PREP: variants seen among roughly 807,000 people sequenced by gnomAD.
PREP encodes the protein prolyl endopeptidase, also known as dJ355L5.1 (prolyl endopeptidase).
PREP carries 29 observed loss-of-function variants against 87.6 expected under a neutral mutation model. The ratio of observed to expected loss-of-function variants is 0.33; its 90% CI spans 0.25 to 0.45. The LOEUF is 0.45. PREP is among the 20% of genes least tolerant of loss of function. The pLI, the probability that PREP is intolerant of heterozygous loss-of-function variation, is 1.00. For missense variants in PREP, 695 were observed against 886.5 expected, an observed-to-expected ratio of 0.78 and a Z score of 2.74; for synonymous variants, 337 against 328.6, an observed-to-expected ratio of 1.03 and a Z score of -0.28.
In PREP at chr6:105,323,715, G is replaced by A; in HGVS notation, c.1267C>T (p.Arg423Ter). The change falls in exon 10 of 15, where the codon CGA becomes TGA. Residue 423 changes from arginine to a stop codon, truncating the protein, a stop_gained. Coordinates refer to ENST00000652536, the MANE Select transcript of PREP (RefSeq NM_002726.5). LOFTEE classifies it high-confidence loss of function. The stretch of plus-strand genomic sequence containing the variant: ...TCAATTCCTTTTACGGTCACCTCTC[G>A]GAAAACTCTTGGCTCCAGCTCCTCT... ...TKEELEPRVFREVTVKGIDAS... is the reference protein window; with the variant it reads ...TKEELEPRVF 1 of 1,613,602 alleles carries A rather than the reference G, an allele frequency of 6.2e-7. No individual in the cohort carries two copies. Among genetic ancestry groups the A allele is most frequent in the Non-Finnish European group, 8.5e-7 (1 of 1,179,566 alleles).
At chr6:105,336,607 CT>C (rs1218013273) in intron 7 of PREP, among the ~76,000 whole-genome samples, 2 of 152,186 alleles carry the variant, frequency 1.3e-5, no homozygotes, top group African/African-American at 4.8e-5. Context: ...ATGCTTTCTG[CT>C]TTAAAGTCTA....
chr6:105,328,815 G>C lies in PREP; in HGVS notation c.1213+14C>G. The C allele has an allele frequency of 1.2e-6, 2 of 1,612,960 alleles. No homozygotes were observed. Among genetic ancestry groups the C allele is most frequent in the Non-Finnish European group, 1.7e-6 (2 of 1,179,054 alleles). On this transcript the variant is annotated intron_variant, in intron 9 of 14. Transcript: ENST00000652536. Reference sequence around the variant, plus strand: ...GATTTTTAAAGTGAACAGCAACAGTGAAAAAACACTTACCTGGAGATAAAA... The same window carrying C: ...GATTTTTAAAGTGAACAGCAACAGTCAAAAAACACTTACCTGGAGATAAAA...
At chr6:105,339,614 C>T (rs1771581513) in intron 7 of PREP, among the ~76,000 whole-genome samples, 1 of 152,134 alleles carries the variant, frequency 6.6e-6, no homozygotes, top group Non-Finnish European at 1.5e-5. Flanking sequence ...TATTCGAACC[C>T]ATTGCAAAGA....
chr6:105,317,707 C>T (rs550060358), intron 10 of PREP, among the ~76,000 whole-genome samples: 1 of 152,060 alleles, frequency 6.6e-6, no homozygotes, highest in Admixed American at 6.5e-5. Context: ...GTTGGTCACC[C>T]CAGGCAAGAT....
chr6:105,377,490 A>T lies in PREP; in HGVS notation c.150T>A (p.Thr50=). 1 of 1,613,926 alleles carries T rather than the reference A, an allele frequency of 6.2e-7. No homozygotes were observed. Among genetic ancestry groups the T allele is most frequent in the Non-Finnish European group, 8.5e-7 (1 of 1,179,864 alleles). Residue 50 remains threonine (T), a synonymous_variant, in exon 3 of 15, where the codon ACT becomes ACA. Coordinates refer to ENST00000652536, the MANE Select transcript of PREP (RefSeq NM_002726.5). ...KAFVEAQNKI[T]VPFLEQCPIR... ...TGGGACACTGCTCAAGAAATGGCAC[A>T]GTAATCTTATTCTGGGCCTCCACAA...
intron 7 of PREP, among the ~76,000 whole-genome samples, chr6:105,333,856 A>C (rs1771407974): frequency 6.6e-6 from 1 of 152,028 alleles, no homozygotes; most frequent in South Asian, 2.1e-4. Flanking sequence ...CTCCCTCCCA[A>C]GTCTTTGTGT....
chr6:105,394,213 C>T (rs57743638), intron 2 of PREP, among the ~76,000 whole-genome samples: 6,120 of 151,980 alleles, frequency 0.04, 428 homozygotes, highest in African/African-American at 0.14. Context: ...AATCAAAATC[C>T]AAAACTAAAA....
At chr6:105,334,570 T>G (rs769798888) in intron 7 of PREP, among the ~76,000 whole-genome samples, 3 of 152,038 alleles carry the variant, frequency 2.0e-5, no homozygotes, top group Non-Finnish European at 2.9e-5. Flanking sequence ...AATACAAAAA[T>G]TAGCTGGGCA....
chr6:105,327,468 G>C (rs576076771), intron 9 of PREP, among the ~76,000 whole-genome samples: 2 of 152,242 alleles, frequency 1.3e-5, no homozygotes, highest in South Asian at 4.1e-4. Flanking sequence ...AGGTTTTCAA[G>C]GTATACTATC....
In PREP at chr6:105,275,382, A is replaced by T. The variant is rs943690780; in HGVS notation, c.*2762T>A. Among the ~76,000 whole-genome samples, 1 of 152,242 alleles carries T rather than the reference A, an allele frequency of 6.6e-6. No individual in the cohort carries two copies. Among genetic ancestry groups the T allele is most frequent in the African/African-American group, 2.4e-5 (1 of 41,470 alleles). On this transcript the variant is annotated 3_prime_UTR_variant, in exon 15 of 15. Transcript: ENST00000652536. ...GAAACATGATTAATTGGAAAGTTTTATAATATTCCAGGTAAGTCCATAGTG... is the reference window on the plus strand; with the variant it reads ...GAAACATGATTAATTGGAAAGTTTTTTAATATTCCAGGTAAGTCCATAGTG...
Position 105,376,162 on chromosome 6 carries a change from G to A in PREP, c.348C>T (p.Pro116=), listed in dbSNP as rs374507847. 62 of 1,613,636 alleles carry A rather than the reference G, an allele frequency of 3.8e-5. No individual in the cohort carries two copies. The highest frequency in any genetic ancestry group is 5.3e-5 in the Non-Finnish European group (62 of 1,179,830). ...CTGTGCCATCGTCAGACAGTATGTTGGGGTCCAGGAACACTCTGGCCTCAC... is the reference window on the plus strand; with the variant it reads ...CTGTGCCATCGTCAGACAGTATGTTAGGGTCCAGGAACACTCTGGCCTCAC... ...LEGEARVFLD[P]NILSDDGTVA... The change falls in exon 4 of 15, where the codon CCC becomes CCT. Residue 116 remains proline, a synonymous_variant. Transcript: ENST00000652536.
chr6:105,317,730 G>A (rs980237953), intron 10 of PREP, among the ~76,000 whole-genome samples: 4 of 152,142 alleles, frequency 2.6e-5, no homozygotes, highest in African/African-American at 9.7e-5. Context: ...TGACTTAGCA[G>A]AGAATCAAAC....
chr6:105,377,347 T>G (rs1772710867), intron 3 of PREP, 39 bp downstream of exon 3: 2 of 1,566,826 alleles, frequency 1.3e-6, no homozygotes, highest in East Asian at 4.5e-5. Context: ...AAGCATTTAC[T>G]TTGAAAATAA....
At chr6:105,402,628 A>C (rs1422465522) in intron 1 of PREP, among the ~76,000 whole-genome samples, 1 of 151,936 alleles carries the variant, frequency 6.6e-6, no homozygotes, top group African/African-American at 2.4e-5. Context: ...CGCTGCCCAC[A>C]GGCTCCGCCG....
chr6:105,372,432 T>A (rs1772584894), intron 5 of PREP, among the ~76,000 whole-genome samples: 1 of 152,054 alleles, frequency 6.6e-6, no homozygotes. Flanking sequence ...AACAAGAAAA[T>A]GCTACATACC....
intron 7 of PREP, among the ~76,000 whole-genome samples, chr6:105,351,191 T>C (rs958415890): frequency 7.2e-5 from 11 of 152,208 alleles, no homozygotes; most frequent in African/African-American, 2.4e-4. Flanking sequence ...CCATAATCCA[T>C]TGACTTTAAT....
chr6:105,347,113 G>A (rs1457573818), intron 7 of PREP, among the ~76,000 whole-genome samples: 1 of 151,956 alleles, frequency 6.6e-6, no homozygotes, highest in East Asian at 1.9e-4. Context: ...CTATAAAGCA[G>A]GGAATAAAGT....
intron 7 of PREP, among the ~76,000 whole-genome samples, chr6:105,335,761 T>C (rs2114661961): frequency 6.6e-6 from 1 of 152,032 alleles, no homozygotes; most frequent in South Asian, 2.1e-4. Flanking sequence ...GGTGTGGTGG[T>C]GGGCGCCTGT....
At chr6:105,360,589 CT>C (rs1772220231) in intron 6 of PREP, among the ~76,000 whole-genome samples, 1 of 152,174 alleles carries the variant, frequency 6.6e-6, no homozygotes, top group Admixed American at 6.5e-5. Context: ...TCCAAGAAAA[CT>C]CTCACTAGAC....
Sources: allele counts gnomAD v4.1 joint callset (sites outside exome capture counted in the v4.1 genomes callset), GRCh38; gene constraint gnomAD v4.1.1; transcripts MANE v1.5; gene names NCBI Gene and HGNC (gene_info 2026-07-23, HGNC 2026-07-21).